Variants in HMGN5 observed in about 807,000 individuals in gnomAD.
HMGN5 encodes the protein high mobility group nucleosome-binding domain-containing protein 5.
In HMGN5, 4 loss-of-function variants were observed where a neutral mutation model predicts 9.5. The ratio of observed to expected loss-of-function variants is 0.42; its 90% CI spans 0.21 to 0.96. The LOEUF (loss-of-function observed/expected upper bound fraction) is 0.96, where lower values mean the gene tolerates loss of function less well. Among genes scored for constraint, HMGN5 ranks in the 40% least tolerant of loss-of-function variants. HMGN5 has a pLI of 0.30. For synonymous variants in HMGN5, 55 were observed against 57.1 expected, an observed-to-expected ratio of 0.96 and a Z score of 0.16; for missense variants, 192 against 187.5, an observed-to-expected ratio of 1.02 and a Z score of -0.14.
chrX:81,196,249 G>A (rs1012402380), intron 1 of HMGN5, among the ~76,000 whole-genome samples: 1 of 110,781 alleles, frequency 9.0e-6, no homozygotes, highest in African/African-American at 3.3e-5. Flanking sequence ...TCTGCCAGAG[G>A]AGGCAGGAAG....
intron 1 of HMGN5, among the ~76,000 whole-genome samples, chrX:81,180,091 A>G (rs971380297): frequency 6.2e-5 from 7 of 112,124 alleles, no homozygotes; most frequent in Non-Finnish European, 1.3e-4. Flanking sequence ...ACCTAAAACC[A>G]TAAAAACCCT....
intron 1 of HMGN5, among the ~76,000 whole-genome samples, chrX:81,173,955 G>A (rs1352545896): frequency 1.8e-5 from 2 of 111,255 alleles, no homozygotes; most frequent in African/African-American, 6.5e-5. Context: ...TCTTTATGAT[G>A]TGAACTCCTG....
intron 1 of HMGN5, among the ~76,000 whole-genome samples, chrX:81,184,035 T>C (rs917614383): frequency 9.0e-6 from 1 of 111,496 alleles, no homozygotes. Flanking sequence ...GAAGGCCTGA[T>C]TGTATTTTGC....
intron 1 of HMGN5, among the ~76,000 whole-genome samples, chrX:81,159,213 A>G (rs952697211): frequency 4.5e-5 from 5 of 110,682 alleles, no homozygotes; most frequent in African/African-American, 1.6e-4. Context: ...GAGGGGAACA[A>G]CACACACTGG....
chrX:81,165,845 A>T (rs1756617635), intron 1 of HMGN5, among the ~76,000 whole-genome samples: 1 of 111,875 alleles, frequency 8.9e-6, no homozygotes, highest in African/African-American at 3.2e-5. Context: ...ATAAATGATT[A>T]TATCGTTAAT....
chrX:81,137,893 A>G (rs2075315893), intron 1 of HMGN5, among the ~76,000 whole-genome samples: 1 of 111,596 alleles, frequency 9.0e-6, no homozygotes, highest in Non-Finnish European at 1.9e-5. Context: ...AGTTAATGAA[A>G]GGGTAATAAG....
chrX:81,135,135 A>C (rs1353657712), intron 1 of HMGN5, among the ~76,000 whole-genome samples: 2 of 111,841 alleles, frequency 1.8e-5, no homozygotes, highest in Non-Finnish European at 3.8e-5. Context: ...GACTTCATCG[A>C]TTTTAAATAT....
intron 1 of HMGN5, among the ~76,000 whole-genome samples, chrX:81,152,580 A>G (rs1350240751): frequency 9.0e-6 from 1 of 111,240 alleles, no homozygotes; most frequent in Non-Finnish European, 1.9e-5. Context: ...TGTGGAAGTC[A>G]GTGTGGTGAT....
At chrX:81,187,837 A>G (rs2075481616) in intron 1 of HMGN5, among the ~76,000 whole-genome samples, 1 of 108,918 alleles carries the variant, frequency 9.2e-6, no homozygotes, top group African/African-American at 3.4e-5. Flanking sequence ...GTATGATTTA[A>G]TTTCTTGCTT....
intron 1 of HMGN5, among the ~76,000 whole-genome samples, chrX:81,146,002 C>A (rs1038178233): frequency 2.7e-5 from 3 of 111,177 alleles, no homozygotes; most frequent in African/African-American, 9.8e-5. Context: ...ATTGATAGAG[C>A]AAGTTCTCAG....
intron 1 of HMGN5, among the ~76,000 whole-genome samples, chrX:81,200,339 C>T (rs1374812062): frequency 8.9e-6 from 1 of 111,902 alleles, no homozygotes; most frequent in African/African-American, 3.3e-5. Flanking sequence ...TGTCATTTGA[C>T]CCAGCAATCT....
At chrX:81,187,516 C>T (rs2075480855) in intron 1 of HMGN5, among the ~76,000 whole-genome samples, 1 of 111,550 alleles carries the variant, frequency 9.0e-6, no homozygotes, top group African/African-American at 3.3e-5. Context: ...ATTAGTGTAG[C>T]TACTCTTCCT....
At chrX:81,188,516 G>A (rs965978936) in intron 1 of HMGN5, among the ~76,000 whole-genome samples, 1 of 109,160 alleles carries the variant, frequency 9.2e-6, no homozygotes, top group Non-Finnish European at 1.9e-5. Context: ...TAGGGTACAC[G>A]TGCACAACGT....
Position 81,118,721 on chromosome X carries a change from A to T in HMGN5, c.75+9T>A, listed in dbSNP as rs773016560. 1.4e-4 allele frequency: 169 copies of T among 1,191,690 alleles called. No individual in the cohort carries two copies. In the South Asian group the frequency reaches 2.7e-3, roughly 19 times the overall value. The stretch of plus-strand genomic sequence containing the variant: ...AATACATGGGCTGCTTTTTGAAAAG[A>T]TTACTTACAGCAGACAACCTGGCAG... On this transcript the variant is annotated intron_variant, in intron 4 of 6. Transcript: ENST00000358130.
At chrX:81,121,755 T>A in intron 1 of HMGN5, 83 bp from the exon 2 acceptor site, 1 of 341,499 alleles carries the variant, frequency 2.9e-6, no homozygotes, top group Non-Finnish European at 5.1e-6. Flanking sequence ...TTAACCGGAG[T>A]GGGAGCCACA....
At chrX:81,189,097 C>A in intron 1 of HMGN5, among the ~76,000 whole-genome samples, 1 of 111,586 alleles carries the variant, frequency 9.0e-6, no homozygotes, top group Non-Finnish European at 1.9e-5. Context: ...CTGGGAAAGT[C>A]TTTATTTCTC....
chrX:81,181,658 G>T (rs1416626663), intron 1 of HMGN5, among the ~76,000 whole-genome samples: 1 of 111,349 alleles, frequency 9.0e-6, no homozygotes, highest in African/African-American at 3.3e-5. Flanking sequence ...GAGTTCAATT[G>T]TTTTAATTTT....
intron 1 of HMGN5, among the ~76,000 whole-genome samples, chrX:81,141,259 C>A (rs1470135154): frequency 8.9e-6 from 1 of 111,830 alleles, no homozygotes; most frequent in Non-Finnish European, 1.9e-5. Flanking sequence ...GGGAAGGACA[C>A]AGGTCTGGCT....
rs772414400 is a variant in HMGN5, at chrX:81,168,484, T to C, written c.-124+33253A>G. 8.1e-5 allele frequency among the ~76,000 whole-genome samples: 9 copies of C among 111,501 alleles called. No individual in the cohort carries two copies. The East Asian group carries it at 2.0e-3, about 25-fold the overall frequency. ...TTGGATTGGCTATTGAGAATGGAGA[T>C]TCAATAAGCTTGATCTAGCATGTGG... On this transcript the variant is annotated intron_variant, in intron 1 of 6. Transcript: ENST00000358130.
Sources: allele counts gnomAD v4.1 joint callset (sites outside exome capture counted in the v4.1 genomes callset), GRCh38; gene constraint gnomAD v4.1.1; transcripts MANE v1.5; gene names NCBI Gene and HGNC (gene_info 2026-07-23, HGNC 2026-07-21).